The following CLUH variants were observed in gnomAD, a reference collection of about 807,000 sequenced individuals.
CLUH encodes the protein CLUH binding protein of NUMT mRNA, also known as clustered mitochondria protein homolog.
CLUH carries 77 observed loss-of-function variants against 139.3 expected under a neutral mutation model. The observed-to-expected ratio is 0.55, with a 90% CI of 0.46 to 0.67. CLUH has a LOEUF of 0.67. Among genes scored for constraint, CLUH ranks in the 30% least tolerant of loss-of-function variants. CLUH has a pLI of 0.00. For synonymous variants in CLUH, 999 were observed against 801.6 expected (o/e 1.25, Z -4.16); for missense variants, 1,876 against 1,875.8 (o/e 1.00, Z 0.00).
At chr17:2,694,332 C>T (rs1393731106) in intron 17 of CLUH, 56 bp from the exon 18 acceptor site, 8 of 1,538,026 alleles carry the variant, frequency 5.2e-6, no homozygotes, top group African/African-American at 1.4e-5. Context: ...AGCGGGTTGG[C>T]ACCTCCCAAC....
chr17:2,709,486 G>A (rs2070448002), intron 1 of CLUH, among the ~76,000 whole-genome samples: 1 of 152,018 alleles, frequency 6.6e-6, no homozygotes, highest in Non-Finnish European at 1.5e-5. Flanking sequence ...GCTCCCATAA[G>A]CCCCTAGACT....
intron 10 of CLUH, among the ~76,000 whole-genome samples, chr17:2,697,302 G>C (rs1185524555): frequency 6.6e-6 from 1 of 151,898 alleles, no homozygotes; most frequent in Non-Finnish European, 1.5e-5. Context: ...GGGAGGCTCA[G>C]ACAGGAGAAT....
intron 13 of CLUH, 147 bp from the exon 14 acceptor site, chr17:2,695,673 G>C: frequency 3.6e-6 from 4 of 1,102,776 alleles, no homozygotes; most frequent in Non-Finnish European, 5.0e-6. Flanking sequence ...AATGTGCCCA[G>C]CCTCTGGCAG....
At chr17:2,709,350 C>G (rs1017510752) in intron 1 of CLUH, among the ~76,000 whole-genome samples, 3 of 152,194 alleles carry the variant, frequency 2.0e-5, no homozygotes, top group African/African-American at 7.2e-5. Context: ...GAAGAACCTA[C>G]AGACCAGGCA....
chr17:2,692,071 T>C lies in CLUH; in HGVS notation c.3587A>G (p.Glu1196Gly). The C allele has an allele frequency of 6.2e-7, 1 of 1,604,144 alleles. No individual in the cohort carries two copies. The highest frequency in any genetic ancestry group is 8.5e-7 in the Non-Finnish European group (1 of 1,176,206). ...GGCCGACCGGAACTCAGCTTTGCTC[T>C]CGTAGACTCGGGCGACAAGGTGGTG... ...LSHHLVARVY[E>G]SKAEFRSALQ... Residue 1196 changes from glutamate (E) to glycine (G), a missense_variant, in exon 23 of 26, where the codon GAG (glutamate) becomes GGG (glycine). Physicochemically the swap from Glu to Gly is moderately conservative, Grantham distance 98. Transcript: ENST00000651024.
chr17:2,707,631 G>A lies in CLUH; in HGVS notation c.101-3067C>T. The A allele has an allele frequency of 1.0e-6, 1 of 985,364 alleles. No homozygotes were observed. Among genetic ancestry groups the A allele is most frequent in the South Asian group, 4.7e-5 (1 of 21,288 alleles). The allele number at this position is 985,364 out of a possible 1,614,324, so 61.0% of individuals were successfully genotyped here. Reference sequence around the variant, plus strand: ...GGGCCTAGGAGACTGGCTGGCAGGGGCAGGGCCCAGCAAGGGGGTCCTCTC... The same window carrying A: ...GGGCCTAGGAGACTGGCTGGCAGGGACAGGGCCCAGCAAGGGGGTCCTCTC... On this transcript the variant is annotated intron_variant, in intron 1 of 25. Coordinates refer to ENST00000651024, the MANE Select transcript of CLUH (RefSeq NM_001366661.1). This position sits in a 1 kb window ranked among gnomAD's most constrained non-coding sequence, Gnocchi z 7.4.
intron 10 of CLUH, among the ~76,000 whole-genome samples, chr17:2,697,373 T>G (rs2069991884): frequency 6.8e-6 from 1 of 146,782 alleles, no homozygotes; most frequent in Non-Finnish European, 1.5e-5. Flanking sequence ...CACTCCAGCC[T>G]AGGCGACAAG....
intron 7 of CLUH, 83 bp downstream of exon 7, chr17:2,701,057 A>G: frequency 6.2e-7 from 1 of 1,604,474 alleles, no homozygotes; most frequent in Non-Finnish European, 8.5e-7. Flanking sequence ...TTCTTCAGAC[A>G]GAAGCACTGG....
chr17:2,695,096 G>C lies in CLUH; in HGVS notation c.2613C>G (p.Val871=), dbSNP rs367606151. Residue 871 remains valine, a synonymous_variant, in exon 16 of 26, where the codon GTC becomes GTG. Coordinates refer to ENST00000651024, the MANE Select transcript of CLUH (RefSeq NM_001366661.1). ...TGGCGGCTGAGAGGCCGGAGAGCTC[G>C]ACTCCCTGCGAGGCAGGTTGGATCC... ...KHIFKTYLQG[V]ELSGLSAAIS... is the part of the protein sequence containing the mutation. 94 of 1,611,802 alleles carry C rather than the reference G, an allele frequency of 5.8e-5. No homozygotes were observed. The highest frequency in any genetic ancestry group is 7.6e-5 in the Non-Finnish European group (90 of 1,178,914).
In CLUH at chr17:2,697,953, T is replaced by TGGGCGCGGGGGAAGC; in HGVS notation, c.1889_1903dup (p.Ala634_His635insArgPheProArgAla). ...GCGCAGGCAGCAGAGCTTGTGCCGG[T>TGGGCGCGGGGGAAGC]GGGCGCGGGGGAAGCCGGCGCGGGC... On this transcript the variant is annotated inframe_insertion, in exon 10 of 26. Transcript: ENST00000651024. 6.4e-7 allele frequency: 1 copy of TGGGCGCGGGGGAAGC among 1,561,524 alleles called. No individual in the cohort carries two copies. The highest frequency in any genetic ancestry group is 8.6e-7 in the Non-Finnish European group (1 of 1,158,592).
chr17:2,701,355 C>T lies in CLUH; in HGVS notation c.899+11G>A. The T allele has an allele frequency of 1.2e-6, 2 of 1,605,364 alleles. No individual in the cohort carries two copies. The highest frequency in any genetic ancestry group is 1.7e-6 in the Non-Finnish European group (2 of 1,176,408). On this transcript the variant is annotated intron_variant, in intron 6 of 25. Coordinates refer to ENST00000651024, the MANE Select transcript of CLUH (RefSeq NM_001366661.1). ...ACGGCAGGGGGGTGTGGTGGGCTGG[C>T]AGGGACTCACTGATTCAGGTAAAAG... is the stretch of plus-strand genomic sequence containing the variant.
chr17:2,696,368 G>T, intron 12 of CLUH, 66 bp downstream of exon 12: 1 of 1,514,728 alleles, frequency 6.6e-7, no homozygotes, highest in Non-Finnish European at 9.0e-7. Context: ...AGCCCCAAGG[G>T]CCCAGGCCCC....
chr17:2,699,020 C>G (rs1369621526), intron 9 of CLUH, among the ~76,000 whole-genome samples: 1 of 152,124 alleles, frequency 6.6e-6, no homozygotes, highest in Non-Finnish European at 1.5e-5. Context: ...GCACTCCAGC[C>G]TGGGGGACAG....
At chr17:2,692,248 G>C (rs902148841) in intron 22 of CLUH, 113 bp downstream of exon 22, 1 of 1,442,464 alleles carries the variant, frequency 6.9e-7, no homozygotes, top group Non-Finnish European at 9.2e-7. Flanking sequence ...GGGGGAGGTC[G>C]AGAGAAATTT....
At chr17:2,693,044 G>C (rs1567578806) in intron 19 of CLUH, 184 bp from the exon 20 acceptor site, 2 of 465,738 alleles carry the variant, frequency 4.3e-6, no homozygotes, top group Non-Finnish European at 3.7e-6. Flanking sequence ...TTGAAGGGCA[G>C]GTCACGCTCC....
Position 2,695,433 on chromosome 17 carries a change from C to T in CLUH, c.2485G>A (p.Gly829Ser). 1 of 1,612,522 alleles carries T rather than the reference C, an allele frequency of 6.2e-7. No homozygotes were observed. The highest frequency in any genetic ancestry group is 8.5e-7 in the Non-Finnish European group (1 of 1,179,772). The stretch of plus-strand genomic sequence containing the variant: ...CGCAGCACCAGCTCCAGCACCTTGC[C>T]CAGGTAGCGCATGTTGATGCCCCGC... ...RQRGINMRYL[G>S]KVLELVLRSP... The change falls in exon 14 of 26, where the codon GGC becomes AGC. Residue 829 changes from glycine to serine, a missense_variant. Physicochemically the swap from Gly to Ser is moderately conservative, Grantham distance 56. Transcript: ENST00000651024.
rs747235023 is a variant in CLUH at position 2,704,383 on chromosome 17, C to T, written c.282G>A (p.Gly94=). Reference sequence around the variant, plus strand: ...TTACCTGCAGGGAGAAGGGCTCGATCCCAGGGGCGAGGATCTTCACAGAAA... The same window carrying T: ...TTACCTGCAGGGAGAAGGGCTCGATTCCAGGGGCGAGGATCTTCACAGAAA... ...TGFSVKILAP[G]IEPFSLQVSP... is the part of the protein sequence containing the mutation. Residue 94 remains glycine, a synonymous_variant, in exon 2 of 26, where the codon GGG becomes GGA. Transcript: ENST00000651024. This position sits in a 1 kb window ranked among gnomAD's most constrained non-coding sequence, Gnocchi z 5.7. 3 of 1,611,266 alleles carry T rather than the reference C, an allele frequency of 1.9e-6. No individual in the cohort carries two copies. In the African/African-American group the frequency reaches 4.0e-5, roughly 22 times the overall value.
chr17:2,689,442 A>T lies in CLUH; in HGVS notation c.*1152T>A, dbSNP rs1403771586. The stretch of plus-strand genomic sequence containing the variant: ...ATGTGAAATGAGGACGTGATGGTTT[A>T]AAAACAAGAAAAAGTTCTTGCTCAG... On this transcript the variant is annotated 3_prime_UTR_variant, in exon 26 of 26. Coordinates refer to ENST00000651024, the MANE Select transcript of CLUH (RefSeq NM_001366661.1). 6.5e-6 allele frequency: 1 copy of T among 152,702 alleles called. No individual in the cohort carries two copies. Among genetic ancestry groups the T allele is most frequent in the Non-Finnish European group, 1.5e-5 (1 of 68,086 alleles). 9.5% of individuals were successfully genotyped at this position (152,702 alleles called of 1,614,324 possible).
rs375432900 is a variant in CLUH, at chr17:2,701,226, G to A, written c.939C>T (p.Pro313=). ...CCACTAGGGAATGGCTTAGGAAGCG[G>A]GGGCTGGCGGGCTTGGGGTTGAAGT... The part of the protein sequence containing the change: ...AYHFNPKPAS[P]RFLSHSLVEL... The change falls in exon 7 of 26, where the codon CCC becomes CCT. Residue 313 remains proline, a synonymous_variant. Transcript: ENST00000651024. The A allele has an allele frequency of 1.7e-5, 27 of 1,613,714 alleles. No individual in the cohort carries two copies. Among genetic ancestry groups the A allele is most frequent in the Non-Finnish European group, 2.0e-5 (24 of 1,179,846 alleles).
Sources: gnomAD v4.1 joint callset for allele counts (sites outside exome capture counted in the v4.1 genomes callset) on GRCh38, gnomAD v4.1.1 for gene constraint, Gnocchi (gnomAD v3.1) non-coding constraint, MANE v1.5 for transcripts, NCBI Gene and HGNC (gene_info 2026-07-23, HGNC 2026-07-21) for gene names.